SEMA3A: variants seen among roughly 807,000 people sequenced by gnomAD.
SEMA3A encodes the protein semaphorin 3A.
A neutral mutation model predicts 97.9 loss-of-function variants in SEMA3A; 29 were observed. The observed-to-expected ratio is 0.30, with a 90% CI of 0.22 to 0.40. The LOEUF is 0.40. Ranked by LOEUF, SEMA3A falls within the 10% of genes least tolerant of loss-of-function variation. The probability of loss-of-function intolerance (pLI) is 1.00; values close to 1 mark genes in which losing one functional copy is unlikely to be tolerated. For missense variants in SEMA3A, 763 were observed against 951.3 expected, an observed-to-expected ratio of 0.80 and a Z score of 2.60; for synonymous variants, 321 against 323.7, an observed-to-expected ratio of 0.99 and a Z score of 0.09.
At chr7:84,488,862 A>T (rs1210715508) in intron 1 of SEMA3A, among the ~76,000 whole-genome samples, 3 of 152,130 alleles carry the variant, frequency 2.0e-5, no homozygotes, top group Non-Finnish European at 4.4e-5. Flanking sequence ...TTCTTTCTAA[A>T]TTCAAGTAGT....
chr7:83,979,415 A>G (rs1402880698), intron 14 of SEMA3A, among the ~76,000 whole-genome samples: 1 of 152,218 alleles, frequency 6.6e-6, no homozygotes, highest in African/African-American at 2.4e-5. Context: ...TACAGGTGTG[A>G]GCCACGGTGT....
At chr7:83,998,083 G>A (rs932552245) in intron 12 of SEMA3A, among the ~76,000 whole-genome samples, 4 of 150,434 alleles carry the variant, frequency 2.7e-5, no homozygotes, top group Non-Finnish European at 5.9e-5. Flanking sequence ...GGTATAAGTC[G>A]GTTATGTATT....
At chr7:84,020,623 T>C (rs1584555193) in intron 6 of SEMA3A, among the ~76,000 whole-genome samples, 1 of 152,256 alleles carries the variant, frequency 6.6e-6, no homozygotes, top group South Asian at 2.1e-4. Flanking sequence ...ACCTTTTTCA[T>C]TTTGGTAAAT....
intron 9 of SEMA3A, among the ~76,000 whole-genome samples, chr7:84,009,557 A>C (rs1273967209): frequency 1.3e-5 from 2 of 152,112 alleles, no homozygotes; most frequent in African/African-American, 2.4e-5. Flanking sequence ...TCGATTTTTA[A>C]TTATTTTTCT....
At chr7:84,198,847 G>A (rs1401786989), upstream of SEMA3A, among the ~76,000 whole-genome samples, 1 of 151,738 alleles carries the variant, frequency 6.6e-6, no homozygotes, top group East Asian at 1.9e-4. Context: ...TGGATGGTGT[G>A]CTTGATTTTC....
intron 3 of SEMA3A, among the ~76,000 whole-genome samples, chr7:84,200,766 G>GT (rs1202101587): frequency 6.7e-6 from 1 of 149,770 alleles, no homozygotes; most frequent in Admixed American, 6.7e-5. Context: ...ATTAAAAGCA[G>GT]TGAAACACTG....
chr7:84,469,182 T>G (rs541534037), intron 1 of SEMA3A, among the ~76,000 whole-genome samples: 4 of 152,328 alleles, frequency 2.6e-5, no homozygotes, highest in African/African-American at 7.2e-5. Context: ...TGTGTGCTTA[T>G]GCATATGAAT....
chr7:84,020,540 ATATCT>A (rs768756836), intron 6 of SEMA3A, among the ~76,000 whole-genome samples: 6 of 152,054 alleles, frequency 3.9e-5, no homozygotes, highest in Non-Finnish European at 5.9e-5. Flanking sequence ...TTTATAAGAA[ATATCT>A]TAAGTAATTT....
intron 4 of SEMA3A, among the ~76,000 whole-genome samples, chr7:84,077,231 TG>T (rs1562761737): frequency 1.3e-5 from 2 of 152,100 alleles, no homozygotes; most frequent in African/African-American, 4.8e-5. Flanking sequence ...ACAATTGACT[TG>T]ATCTCTCCAT....
intron 5 of SEMA3A, among the ~76,000 whole-genome samples, chr7:84,049,923 T>G (rs535242669): frequency 1.4e-5 from 2 of 141,368 alleles, no homozygotes. Flanking sequence ...GTCCATGTGA[T>G]CTCATTGTTC....
chr7:84,278,366 C>T (rs983228254), intron 3 of SEMA3A, among the ~76,000 whole-genome samples: 6 of 152,086 alleles, frequency 3.9e-5, no homozygotes, highest in African/African-American at 1.4e-4. Context: ...CCTTCTCTTC[C>T]CTGTCTTCTT....
chr7:84,150,681 C>A (rs1045901071), intron 1 of SEMA3A, among the ~76,000 whole-genome samples: 7 of 152,210 alleles, frequency 4.6e-5, no homozygotes, highest in East Asian at 3.9e-4. Context: ...CCGCCATTGC[C>A]CAGGCTTGAT....
chr7:84,354,540 T>C (rs1158617644), intron 2 of SEMA3A, among the ~76,000 whole-genome samples: 1 of 151,662 alleles, frequency 6.6e-6, no homozygotes, highest in East Asian at 1.9e-4. Flanking sequence ...AAAAAATATG[T>C]CATTAAATAA....
rs531635819 is a variant in SEMA3A, at chr7:84,099,684, A to C, written c.453+10786T>G. Among the ~76,000 whole-genome samples, 6 of 152,238 alleles carry C rather than the reference A, an allele frequency of 3.9e-5. No homozygotes were observed. In the East Asian group the frequency reaches 1.2e-3, roughly 29 times the overall value. ...AATGAGGAGTTTAAACAGTGTCATC[A>C]CCTCAGTTATATTTCATCTAATGGC... On this transcript the variant is annotated intron_variant, in intron 4 of 16. Coordinates refer to ENST00000265362, the MANE Select transcript of SEMA3A (RefSeq NM_006080.3).
At chr7:84,233,667 C>T (rs1177377945) in intron 3 of SEMA3A, among the ~76,000 whole-genome samples, 1 of 151,896 alleles carries the variant, frequency 6.6e-6, no homozygotes, top group Non-Finnish European at 1.5e-5. Context: ...TTCAATAATA[C>T]CATAGTGCTG....
chr7:84,454,290 T>C (rs543777950), intron 1 of SEMA3A, among the ~76,000 whole-genome samples: 2 of 152,338 alleles, frequency 1.3e-5, no homozygotes, highest in South Asian at 2.1e-4. Context: ...ACTAAGACTT[T>C]AATGTGTTTA....
At chr7:84,392,165 T>C (rs1246714233) in intron 1 of SEMA3A, among the ~76,000 whole-genome samples, 2 of 152,120 alleles carry the variant, frequency 1.3e-5, no homozygotes, top group African/African-American at 4.8e-5. Flanking sequence ...ATTAGAGGTA[T>C]TCGTCATGCT....
chr7:84,425,832 T>G (rs1308075911), intron 1 of SEMA3A, among the ~76,000 whole-genome samples: 3 of 129,552 alleles, frequency 2.3e-5, no homozygotes, highest in African/African-American at 8.6e-5. Context: ...ATCATATATA[T>G]ATAATATATA....
chr7:84,308,824 C>CTT (rs35125279), intron 2 of SEMA3A, among the ~76,000 whole-genome samples: 86 of 144,824 alleles, frequency 5.9e-4, no homozygotes, highest in South Asian at 1.1e-3. Flanking sequence ...CTTTTTTTTT[C>CTT]TTTTTTTTTT....
Sources: allele counts gnomAD v4.1 joint callset (sites outside exome capture counted in the v4.1 genomes callset), GRCh38; gene constraint gnomAD v4.1.1; transcripts MANE v1.5; gene names NCBI Gene and HGNC (gene_info 2026-07-23, HGNC 2026-07-21).